Variants in SH3GLB1 observed in about 807,000 individuals in gnomAD.
SH3GLB1 encodes the protein SH3 domain containing GRB2 like, endophilin B1.
SH3GLB1 carries 17 observed loss-of-function variants against 42.0 expected under a neutral mutation model. The observed-to-expected ratio is 0.40, with a 90% CI of 0.28 to 0.61. The LOEUF (loss-of-function observed/expected upper bound fraction) is 0.61, where lower values mean the gene tolerates loss of function less well. Ranked by LOEUF, SH3GLB1 falls within the 20% of genes least tolerant of loss-of-function variation. The probability of loss-of-function intolerance (pLI) is 0.36; values close to 1 mark genes in which losing one functional copy is unlikely to be tolerated. For synonymous variants in SH3GLB1, 132 were observed against 146.6 expected (o/e 0.90, Z 0.72); for missense variants, 355 against 426.3 (o/e 0.83, Z 1.47).
At chr1:86,723,650 A>G (rs1654993785) in intron 4 of SH3GLB1, among the ~76,000 whole-genome samples, 1 of 152,238 alleles carries the variant, frequency 6.6e-6, no homozygotes, top group African/African-American at 2.4e-5. Context: ...AATTCCCTGA[A>G]GAATTCTAAG....
chr1:86,710,831 T>C (rs1386898399), intron 1 of SH3GLB1, among the ~76,000 whole-genome samples: 1 of 152,224 alleles, frequency 6.6e-6, no homozygotes, highest in Admixed American at 6.5e-5. Flanking sequence ...AGTAAAGTAA[T>C]GCAGCATGCA....
chr1:86,735,322 C>T, intron 7 of SH3GLB1, 143 bp downstream of exon 7: 1 of 540,368 alleles, frequency 1.9e-6, no homozygotes, highest in Non-Finnish European at 3.2e-6. Flanking sequence ...AAGTAATTAT[C>T]AGTTTTCTGA....
chr1:86,716,397 C>T (rs1654536160), intron 2 of SH3GLB1, among the ~76,000 whole-genome samples: 2 of 152,134 alleles, frequency 1.3e-5, no homozygotes, highest in African/African-American at 4.8e-5. Flanking sequence ...GCCTCAGCCT[C>T]CCAAGTAGCT....
At chr1:86,711,027 C>T (rs917988120) in intron 1 of SH3GLB1, among the ~76,000 whole-genome samples, 3 of 152,126 alleles carry the variant, frequency 2.0e-5, no homozygotes, top group African/African-American at 7.2e-5. Context: ...CTAAAGCTCC[C>T]TCAAGTAATT....
Position 86,735,107 on chromosome 1 carries a change from T to G in SH3GLB1, c.689T>G (p.Phe230Cys). Residue 230 changes from phenylalanine (F) to cysteine (C), a missense_variant, in exon 7 of 9, where the codon TTT becomes TGT. Physicochemically the swap from Phe to Cys is radical, Grantham distance 205. Coordinates refer to ENST00000370558, the MANE Select transcript of SH3GLB1 (RefSeq NM_016009.5). Reference protein sequence around the residue: ...HAHHLRCLNDFVEAQMTYYAQ... With the variant: ...HAHHLRCLNDCVEAQMTYYAQ... ...CATCACCTTCGCTGTCTGAATGACT[T>G]TGTAGAAGCCCAGATGACTTACTAT... The G allele has an allele frequency of 6.2e-7, 1 of 1,612,998 alleles. No individual in the cohort carries two copies. Among genetic ancestry groups the G allele is most frequent in the Non-Finnish European group, 8.5e-7 (1 of 1,179,140 alleles).
intron 2 of SH3GLB1, among the ~76,000 whole-genome samples, chr1:86,717,388 T>G (rs952757938): frequency 6.6e-6 from 1 of 152,208 alleles, no homozygotes; most frequent in African/African-American, 2.4e-5. Flanking sequence ...ATTGTTTTTG[T>G]TTTTTGTTTG....
At chr1:86,724,929 A>G (rs1247027010) in intron 5 of SH3GLB1, among the ~76,000 whole-genome samples, 1 of 139,544 alleles carries the variant, frequency 7.2e-6, no homozygotes, top group Non-Finnish European at 1.5e-5. Flanking sequence ...TATAATATAT[A>G]TGTGTGTGTA....
At chr1:86,706,365 T>C (rs996394197) in intron 1 of SH3GLB1, among the ~76,000 whole-genome samples, 1 of 152,360 alleles carries the variant, frequency 6.6e-6, no homozygotes. Context: ...AGTAACACTT[T>C]AGAGATGGTA....
chr1:86,707,993 A>G (rs996666027), intron 1 of SH3GLB1, among the ~76,000 whole-genome samples: 3 of 152,218 alleles, frequency 2.0e-5, no homozygotes, highest in African/African-American at 7.2e-5. Flanking sequence ...AGTCGCTGAA[A>G]CAACAGCAAC....
intron 5 of SH3GLB1, among the ~76,000 whole-genome samples, chr1:86,725,278 A>C (rs1356726075): frequency 2.6e-5 from 4 of 152,092 alleles, no homozygotes; most frequent in Non-Finnish European, 4.4e-5. Context: ...AAACCATTCA[A>C]ACCAACAGTG....
rs1467217111 is a variant in SH3GLB1 at position 86,743,170 on chromosome 1, C to T, written c.1033C>T (p.Leu345=). The change falls in exon 9 of 9, where the codon CTA becomes TTA. Residue 345 remains leucine (L), a synonymous_variant. Transcript: ENST00000370558. Reference sequence around the variant, plus strand: ...TGTTGTTGGAATGGATTCAGACTGGCTAATGGGGGAAAGGGGAAACCAGAA... The same window carrying T: ...TGTTGTTGGAATGGATTCAGACTGGTTAATGGGGGAAAGGGGAAACCAGAA... ...FSVVGMDSDW[L]MGERGNQKGK... is the part of the protein sequence containing the mutation. The T allele has an allele frequency of 1.2e-6, 2 of 1,613,058 alleles. No homozygotes were observed. The highest frequency in any genetic ancestry group is 2.7e-5 in the African/African-American group (2 of 74,766).
Position 86,743,869 on chromosome 1 carries a change from G to A in SH3GLB1, c.*634G>A, listed in dbSNP as rs1190492345. 2 of 152,458 alleles carry A rather than the reference G, an allele frequency of 1.3e-5. No individual in the cohort carries two copies. The highest frequency in any genetic ancestry group is 4.8e-5 in the African/African-American group (2 of 41,406). 9.4% of individuals were successfully genotyped at this position (152,458 alleles called of 1,614,324 possible). A position where few individuals can be genotyped will look rare whatever the true frequency, so the allele number is the denominator to read the frequency against. ...TTTCTTTTAAATTTAAGAACAACTAGTTCTTGAAAAGCAATACCGTATTTC... is the reference window on the plus strand; with the variant it reads ...TTTCTTTTAAATTTAAGAACAACTAATTCTTGAAAAGCAATACCGTATTTC... On this transcript the variant is annotated 3_prime_UTR_variant, in exon 9 of 9. Transcript: ENST00000370558.
At chr1:86,721,774 C>G (rs1284403524) in intron 3 of SH3GLB1, among the ~76,000 whole-genome samples, 1 of 151,914 alleles carries the variant, frequency 6.6e-6, no homozygotes, top group Non-Finnish European at 1.5e-5. Flanking sequence ...CCACAGTCAC[C>G]CCTCGATATC....
Position 86,704,923 on chromosome 1 carries a change from G to A in SH3GLB1, c.24G>A (p.Val8=), listed in dbSNP as rs150324653. The A allele has an allele frequency of 0.011, 16,789 of 1,585,550 alleles. 127 individuals carry two copies. Among genetic ancestry groups the A allele is most frequent in the Middle Eastern group, 0.011 (65 of 5,972 alleles). The change falls in exon 1 of 9, where the codon GTG becomes GTA. Residue 8 remains valine, a synonymous_variant. Transcript: ENST00000370558. MNIMDFN[V]KKLAADAGTF... ...GGATGAATATCATGGACTTCAACGTGAAGAAGCTGGCGGCCGACGCAGGCA... is the reference window on the plus strand; with the variant it reads ...GGATGAATATCATGGACTTCAACGTAAAGAAGCTGGCGGCCGACGCAGGCA...
chr1:86,737,379 T>C (rs534766725), intron 7 of SH3GLB1, among the ~76,000 whole-genome samples: 2 of 152,292 alleles, frequency 1.3e-5, no homozygotes, highest in African/African-American at 4.8e-5. Flanking sequence ...AAAATCATAC[T>C]AGTAGATTTG....
At chr1:86,721,681 C>G (rs1382110512) in intron 3 of SH3GLB1, among the ~76,000 whole-genome samples, 1 of 152,122 alleles carries the variant, frequency 6.6e-6, no homozygotes, top group African/African-American at 2.4e-5. Flanking sequence ...CTTATAGATA[C>G]TTCAGATGAT....
intron 5 of SH3GLB1, among the ~76,000 whole-genome samples, chr1:86,724,892 A>AAAAAAATATAT (rs1291454820): frequency 1.0e-5 from 1 of 99,700 alleles, no homozygotes; most frequent in Non-Finnish European, 1.8e-5. Flanking sequence ...AAAAAAAAAA[A>AAAAAAATATAT]ATATATATAT....
intron 4 of SH3GLB1, among the ~76,000 whole-genome samples, chr1:86,723,505 C>T (rs962522879): frequency 6.6e-6 from 1 of 151,946 alleles, no homozygotes; most frequent in Non-Finnish European, 1.5e-5. Context: ...CAGAGTGAGA[C>T]TCCATCTCAA....
intron 5 of SH3GLB1, among the ~76,000 whole-genome samples, chr1:86,731,995 G>A (rs1439518159): frequency 6.6e-6 from 1 of 152,126 alleles, no homozygotes; most frequent in Non-Finnish European, 1.5e-5. Context: ...AATTTGGGAG[G>A]TGGAGTTTGC....
Sources: allele counts gnomAD v4.1 joint callset (sites outside exome capture counted in the v4.1 genomes callset), GRCh38; gene constraint gnomAD v4.1.1; transcripts MANE v1.5; gene names NCBI Gene and HGNC (gene_info 2026-07-23, HGNC 2026-07-21).